PCK1: variants seen among roughly 807,000 people sequenced by gnomAD.
PCK1 encodes the protein phosphoenolpyruvate carboxykinase, cytosolic [GTP].
A neutral mutation model predicts 50.3 loss-of-function variants in PCK1; 44 were observed. The observed-to-expected ratio is 0.87, with a 90% CI of 0.69 to 1.12. PCK1 has a LOEUF of 1.12. Ranked by LOEUF, PCK1 falls within the 50% of genes most tolerant of loss-of-function variation. The pLI, the probability that PCK1 is intolerant of heterozygous loss-of-function variation, is 0.00. For missense variants in PCK1, 790 were observed against 815.0 expected, an observed-to-expected ratio of 0.97 and a Z score of 0.37; for synonymous variants, 332 against 314.3, an observed-to-expected ratio of 1.06 and a Z score of -0.59.
rs145197137 is a variant in PCK1, at chr20:57,563,255, TG to T, written c.798+46del. 3.5e-4 allele frequency: 560 copies of T among 1,580,362 alleles called. 4 individuals are homozygous for T. The African/African-American group carries it at 6.6e-3, about 19-fold the overall frequency. On this transcript the variant is annotated intron_variant, in intron 5 of 9. Coordinates refer to ENST00000319441, the MANE Select transcript of PCK1 (RefSeq NM_002591.4). The stretch of plus-strand genomic sequence containing the variant: ...AGCCCTGATGTGCAGATGAGAGGCC[TG>T]GGGGGTGGCAGAAACAAACAGCATT...
intron 6 of PCK1, 77 bp from the exon 7 acceptor site, chr20:57,564,092 A>G: frequency 1.1e-6 from 1 of 886,538 alleles, no homozygotes; most frequent in Non-Finnish European, 1.8e-6. Context: ...CATAGAAATT[A>G]GTCCGGCAAT....
intron 3 of PCK1, 42 bp downstream of exon 3, chr20:57,562,294 C>A (rs756792053): frequency 6.5e-7 from 1 of 1,532,138 alleles, no homozygotes; most frequent in South Asian, 1.1e-5. Flanking sequence ...CAGCAGAGAG[C>A]CTTTTCTTAT....
chr20:57,562,380 G>A, intron 3 of PCK1, 128 bp downstream of exon 3: 1 of 795,374 alleles, frequency 1.3e-6, no homozygotes, highest in Non-Finnish European at 2.0e-6. Flanking sequence ...TTCCATACAT[G>A]AAGTTGGCAA....
chr20:57,565,899 CA>C lies in PCK1; in HGVS notation c.*96del, dbSNP rs2070200730. ...AGGGCAAGTGTTCCCAAATTGACGC[CA>C]CCATAATAATCATCACCACACCGTG... On this transcript the variant is annotated 3_prime_UTR_variant, in exon 10 of 10. Coordinates refer to ENST00000319441, the MANE Select transcript of PCK1 (RefSeq NM_002591.4). 1 of 881,048 alleles carries C rather than the reference CA, an allele frequency of 1.1e-6. No individual in the cohort carries two copies. Among genetic ancestry groups the C allele is most frequent in the African/African-American group, 1.7e-5 (1 of 59,094 alleles). 54.6% of individuals were successfully genotyped at this position (881,048 alleles called of 1,614,324 possible).
At chr20:57,564,750 C>T (rs1189675545) in intron 8 of PCK1, 137 bp downstream of exon 8, 3 of 801,836 alleles carry the variant, frequency 3.7e-6, no homozygotes, top group Non-Finnish European at 5.9e-6. Context: ...CCCAAAGATC[C>T]AGAATAATTG....
rs2070181192 is a variant in PCK1 at position 57,564,286 on chromosome 20, T to A, written c.1079T>A (p.Val360Glu). 1.2e-6 allele frequency: 2 copies of A among 1,613,984 alleles called. No individual in the cohort carries two copies. The highest frequency in any genetic ancestry group is 2.7e-5 in the African/African-American group (2 of 74,908). ...CAGAAGAACACAATCTTTACCAATG[T>A]GGCCGAGACCAGCGACGGGGGCGTT... The part of the protein sequence containing the change: ...TIQKNTIFTN[V>E]AETSDGGVYW... The change falls in exon 7 of 10, where the codon GTG becomes GAG. Residue 360 changes from valine (V) to glutamate (E), a missense_variant. By Grantham distance (121) the Val-to-Glu change is moderately radical. Transcript: ENST00000319441.
At chr20:57,562,394 A>G (rs2070154949) in intron 3 of PCK1, 142 bp downstream of exon 3, 1 of 728,146 alleles carries the variant, frequency 1.4e-6, no homozygotes, top group African/African-American at 1.8e-5. Context: ...TTGGCAATGT[A>G]TTGAAAATGC....
chr20:57,566,217 CTGTG>C lies in PCK1; in HGVS notation c.*416_*419del, dbSNP rs1270902503. On this transcript the variant is annotated 3_prime_UTR_variant, in exon 10 of 10. Transcript: ENST00000319441. ...TGTGTGCATGTATGTGCACATGTGT[CTGTG>C]TGGTATATTTGTGTATGTGTATTTG... The C allele has an allele frequency of 6.4e-6, 1 of 155,636 alleles. No individual in the cohort carries two copies. The highest frequency in any genetic ancestry group is 2.6e-5 in the African/African-American group (1 of 38,838). The allele number at this position is 155,636 out of a possible 1,614,324, so 9.6% of individuals were successfully genotyped here.
intron 2 of PCK1, 62 bp downstream of exon 2, chr20:57,561,697 G>A: frequency 1.7e-6 from 2 of 1,143,178 alleles, no homozygotes; most frequent in South Asian, 2.5e-5. Flanking sequence ...TGCGTCTCCT[G>A]GGAGTTGGTG....
chr20:57,561,364 T>C lies in PCK1; in HGVS notation c.-40-8T>C. 1.6e-6 allele frequency: 2 copies of C among 1,261,120 alleles called. No individual in the cohort carries two copies. The highest frequency in any genetic ancestry group is 1.5e-5 in the African/African-American group (1 of 68,066). The allele number at this position is 1,261,120 out of a possible 1,614,324, so 78.1% of individuals were successfully genotyped here. On this transcript the variant is annotated splice_region_variant and splice_polypyrimidine_tract_variant and intron_variant, in intron 1 of 9. Transcript: ENST00000319441. ...TTTTGTTCAGGACGCTTGCGTTTTCTATTTCAGGTGACCTCACATTCGTGC... is the reference window on the plus strand; with the variant it reads ...TTTTGTTCAGGACGCTTGCGTTTTCCATTTCAGGTGACCTCACATTCGTGC...
At chr20:57,561,307 C>A (rs1406498121) in intron 1 of PCK1, 65 bp from the exon 2 acceptor site, 1 of 716,900 alleles carries the variant, frequency 1.4e-6, no homozygotes, top group Non-Finnish European at 2.4e-6. Context: ...GGCAAAAGGC[C>A]GTCGAATGTG....
At position 57,564,283 on chromosome 20, in the gene PCK1, A is replaced by G. The variant is rs2070181092; in HGVS notation, c.1076A>G (p.Asn359Ser). The G allele has an allele frequency of 1.9e-6, 3 of 1,613,954 alleles. No individual in the cohort carries two copies. Among genetic ancestry groups the G allele is most frequent in the East Asian group, 2.2e-5 (1 of 44,884 alleles). ...KTIQKNTIFT[N>S]VAETSDGGVY... ...ATCCAGAAGAACACAATCTTTACCA[A>G]TGTGGCCGAGACCAGCGACGGGGGC... The change falls in exon 7 of 10, where the codon AAT becomes AGT. Residue 359 changes from asparagine (N) to serine (S), a missense_variant. Coordinates refer to ENST00000319441, the MANE Select transcript of PCK1 (RefSeq NM_002591.4).
rs1318853965 is a variant in PCK1 at position 57,564,407 on chromosome 20, A to G, written c.1186+14A>G. Reference sequence around the variant, plus strand: ...GCTCAGAGGATGGTGTGTCCCTGCCAGAGGCCTTGGTGTGCCGGGCTGCAG... The same window carrying G: ...GCTCAGAGGATGGTGTGTCCCTGCCGGAGGCCTTGGTGTGCCGGGCTGCAG... On this transcript the variant is annotated intron_variant, in intron 7 of 9. Coordinates refer to ENST00000319441, the MANE Select transcript of PCK1 (RefSeq NM_002591.4). 2 of 1,613,640 alleles carry G rather than the reference A, an allele frequency of 1.2e-6. No individual in the cohort carries two copies. The highest frequency in any genetic ancestry group is 1.7e-6 in the Non-Finnish European group (2 of 1,179,648).
chr20:57,562,564 G>C, intron 3 of PCK1, 132 bp from the exon 4 acceptor site: 2 of 737,274 alleles, frequency 2.7e-6, no homozygotes, highest in Non-Finnish European at 4.6e-6. Flanking sequence ...CTAACCCAGG[G>C]GGCTGGTGAC....
At position 57,567,470 on chromosome 20, in the gene PCK1, C is replaced by T. The variant is rs1206334911; in HGVS notation, c.*1666C>T. 1 of 152,224 alleles carries T rather than the reference C, an allele frequency of 6.6e-6. No individual in the cohort carries two copies. The highest frequency in any genetic ancestry group is 2.4e-5 in the African/African-American group (1 of 41,454). The allele number at this position is 152,224 out of a possible 1,614,324, so 9.4% of individuals were successfully genotyped here. Reference sequence around the variant, plus strand: ...ACGTTGGCTTGTTAGAATATCAAAACCACCGAAGGGGAAAAACCACTTACT... The same window carrying T: ...ACGTTGGCTTGTTAGAATATCAAAATCACCGAAGGGGAAAAACCACTTACT... On this transcript the variant is annotated 3_prime_UTR_variant, in exon 10 of 10. Transcript: ENST00000319441.
rs748482621 is a variant in PCK1 at position 57,564,248 on chromosome 20, C to T, written c.1041C>T (p.Ala347=). 2 of 1,614,120 alleles carry T rather than the reference C, an allele frequency of 1.2e-6. No individual in the cohort carries two copies. Among genetic ancestry groups the T allele is most frequent in the Non-Finnish European group, 1.7e-6 (2 of 1,179,998 alleles). The change falls in exon 7 of 10, where the codon GCC becomes GCT. Residue 347 remains alanine, a synonymous_variant. Coordinates refer to ENST00000319441, the MANE Select transcript of PCK1 (RefSeq NM_002591.4). Reference sequence around the variant, plus strand: ...CTTCAGTGAAGACCAACCCCAATGCCATCAAGACCATCCAGAAGAACACAA... The same window carrying T: ...CTTCAGTGAAGACCAACCCCAATGCTATCAAGACCATCCAGAAGAACACAA... ...PGTSVKTNPN[A]IKTIQKNTIF...
In PCK1 at chr20:57,565,255, AGAG is replaced by A. The variant is rs2070192418; in HGVS notation, c.1415-91_1415-89del. 5.4e-6 allele frequency: 7 copies of A among 1,302,862 alleles called. No homozygotes were observed. In the Middle Eastern group the frequency reaches 5.6e-4, roughly 104 times the overall value. 80.7% of individuals were successfully genotyped at this position (1,302,862 alleles called of 1,614,324 possible). ...GGGAGAGAGAGAGAGAGAAAGAGAGAGAGGAGAACAAAGCATGCTAATGTCAAC... is the reference window on the plus strand; with the variant it reads ...GGGAGAGAGAGAGAGAGAAAGAGAGAGAGAACAAAGCATGCTAATGTCAAC... On this transcript the variant is annotated intron_variant, in intron 9 of 9. Transcript: ENST00000319441.
chr20:57,561,939 G>A (rs890709660), intron 2 of PCK1, 132 bp from the exon 3 acceptor site: 1 of 709,776 alleles, frequency 1.4e-6, no homozygotes, highest in Non-Finnish European at 2.4e-6. Context: ...GTCTTAGATG[G>A]TCTGTGTGTT....
chr20:57,566,214 T>A lies in PCK1; in HGVS notation c.*410T>A, dbSNP rs2070204492. On this transcript the variant is annotated 3_prime_UTR_variant, in exon 10 of 10. Transcript: ENST00000319441. Reference sequence around the variant, plus strand: ...GTGTGTGTGCATGTATGTGCACATGTGTCTGTGTGGTATATTTGTGTATGT... The same window carrying A: ...GTGTGTGTGCATGTATGTGCACATGAGTCTGTGTGGTATATTTGTGTATGT... The A allele has an allele frequency of 6.0e-6, 1 of 167,744 alleles. No individual in the cohort carries two copies. The highest frequency in any genetic ancestry group is 1.3e-5 in the Non-Finnish European group (1 of 78,228). The allele number at this position is 167,744 out of a possible 1,614,324, so 10.4% of individuals were successfully genotyped here. A position where few individuals can be genotyped will look rare whatever the true frequency, so the allele number is the denominator to read the frequency against.
Sources: gnomAD v4.1 joint callset for allele counts on GRCh38, gnomAD v4.1.1 for gene constraint, MANE v1.5 for transcripts, NCBI Gene and HGNC (gene_info 2026-07-23, HGNC 2026-07-21) for gene names.